Variants in FBN1 observed in about 807,000 individuals in gnomAD.
The protein encoded by FBN1 is fibrillin-1.
FBN1 carries 29 observed loss-of-function variants against 365.1 expected under a neutral mutation model. The observed-to-expected ratio is 0.08, with a 90% CI of 0.06 to 0.11. The LOEUF (loss-of-function observed/expected upper bound fraction) is 0.11. Ranked by LOEUF, FBN1 falls within the 10% of genes least tolerant of loss-of-function variation. FBN1 has a pLI of 1.00. For synonymous variants in FBN1, 1,210 were observed against 1,270.5 expected (o/e 0.95, Z 1.01); for missense variants, 2,476 against 3,703.2 (o/e 0.67, Z 8.60).
chr15:48,560,627 G>T (rs777634215), intron 6 of FBN1, among the ~76,000 whole-genome samples: 1 of 152,110 alleles, frequency 6.6e-6, no homozygotes, highest in Non-Finnish European at 1.5e-5. Flanking sequence ...AGTATTCCTC[G>T]GTTGTCTTCG....
chr15:48,613,703 AG>A (rs1447634825), intron 2 of FBN1, among the ~76,000 whole-genome samples: 1 of 152,156 alleles, frequency 6.6e-6, no homozygotes, highest in Non-Finnish European at 1.5e-5. Context: ...CGAGGTGGGC[AG>A]GTCACTTGAG....
At position 48,483,805 on chromosome 15, in the gene FBN1, CTTCT is replaced by C. The variant is rs2043484407; in HGVS notation, c.3838+9_3838+12del. On this transcript the variant is annotated intron_variant, in intron 31 of 65. Transcript: ENST00000316623. ...AACAAGACAAGATGAAAAATTCTGT[CTTCT>C]TTGCTTACCTACACAAGTCTTCATG... 1 of 1,613,204 alleles carries C rather than the reference CTTCT, an allele frequency of 6.2e-7. No homozygotes were observed. The highest frequency in any genetic ancestry group is 8.5e-7 in the Non-Finnish European group (1 of 1,179,952).
In FBN1 at chr15:48,432,882, G is replaced by T; in HGVS notation, c.6723C>A (p.Asp2241Glu). The T allele has an allele frequency of 6.2e-7, 1 of 1,613,586 alleles. No homozygotes were observed. The highest frequency in any genetic ancestry group is 8.5e-7 in the Non-Finnish European group (1 of 1,179,638). The change falls in exon 55 of 66, where the codon GAC becomes GAA. Residue 2241 changes from aspartate to glutamate, a missense_variant. By Grantham distance (45) the Asp-to-Glu change is conservative. Transcript: ENST00000316623. ...KCPVGYVLRE[D>E]RRMCKDEDEC... The stretch of plus-strand genomic sequence containing the variant: ...ATGACTCACCTTTGCACATCCTACG[G>T]TCTTCTCTGAGCACATATCCCACGG...
rs187455988 is a variant in FBN1, at chr15:48,412,953, G to A, written c.8052-210C>T. On this transcript the variant is annotated intron_variant, in intron 64 of 65. Coordinates refer to ENST00000316623, the MANE Select transcript of FBN1 (RefSeq NM_000138.5). ...CTGAATGTATTGATTTCCTTCTACT[G>A]CCTATCAAGACCCTGTCTTGGATAT... Among the ~76,000 whole-genome samples the A allele has an allele frequency of 2.7e-3, 407 of 152,302 alleles. 1 individual carries two copies. Among genetic ancestry groups the A allele is most frequent in the Admixed American group, 4.3e-3 (66 of 15,302 alleles).
At chr15:48,428,201 G>C in intron 57 of FBN1, 145 bp downstream of exon 57, 3 of 1,036,030 alleles carry the variant, frequency 2.9e-6, no homozygotes, top group Admixed American at 4.0e-5. Flanking sequence ...GACAATCACA[G>C]TCATTACGGC....
At chr15:48,429,302 C>T (rs558191799) in intron 56 of FBN1, among the ~76,000 whole-genome samples, 2 of 152,092 alleles carry the variant, frequency 1.3e-5, no homozygotes, top group East Asian at 1.9e-4. Context: ...TTCAGATTAA[C>T]CTAGATTATA....
At chr15:48,578,997 A>G (rs1399061495) in intron 6 of FBN1, among the ~76,000 whole-genome samples, 2 of 150,442 alleles carry the variant, frequency 1.3e-5, no homozygotes, top group Non-Finnish European at 2.9e-5. Flanking sequence ...CCTAAAACTT[A>G]AAGTATAATA....
At chr15:48,621,673 T>G (rs1889769023) in intron 2 of FBN1, among the ~76,000 whole-genome samples, 1 of 152,072 alleles carries the variant, frequency 6.6e-6, no homozygotes, top group Non-Finnish European at 1.5e-5. Flanking sequence ...GGAATAGACT[T>G]TAATCACTAA....
intron 10 of FBN1, among the ~76,000 whole-genome samples, chr15:48,520,296 A>C (rs1204851959): frequency 2.0e-5 from 3 of 152,098 alleles, no homozygotes; most frequent in African/African-American, 7.2e-5. Flanking sequence ...GAAAAAGGAA[A>C]TGTGTCTCCT....
At chr15:48,576,532 A>G (rs2044349186) in intron 6 of FBN1, among the ~76,000 whole-genome samples, 1 of 152,192 alleles carries the variant, frequency 6.6e-6, no homozygotes, top group Admixed American at 6.5e-5. Flanking sequence ...TTTGTGCCTT[A>G]GCACATCCAG....
chr15:48,569,679 A>G (rs2044290833), intron 6 of FBN1, among the ~76,000 whole-genome samples: 1 of 152,188 alleles, frequency 6.6e-6, no homozygotes, highest in East Asian at 1.9e-4. Flanking sequence ...ATGCCAAGTG[A>G]AAAAAGCCAA....
At chr15:48,596,203 G>A (rs2044514110) in intron 6 of FBN1, 80 bp downstream of exon 6, 2 of 1,251,148 alleles carry the variant, frequency 1.6e-6, no homozygotes, top group South Asian at 1.2e-5. Flanking sequence ...AAGTAGCCAT[G>A]CAGACCCAAT....
intron 10 of FBN1, among the ~76,000 whole-genome samples, chr15:48,517,230 C>A (rs555316956): frequency 2.6e-5 from 4 of 152,086 alleles, no homozygotes; most frequent in African/African-American, 4.8e-5. Context: ...GAAGCTTAGA[C>A]GAATCAAGGC....
chr15:48,541,433 AC>A (rs2141362751), intron 6 of FBN1, among the ~76,000 whole-genome samples: 1 of 152,356 alleles, frequency 6.6e-6, no homozygotes, highest in Non-Finnish European at 1.5e-5. Context: ...CATATTTTAA[AC>A]AAAAATTGCT....
At chr15:48,450,544 T>A (rs572851674) in intron 45 of FBN1, among the ~76,000 whole-genome samples, 1 of 152,088 alleles carries the variant, frequency 6.6e-6, no homozygotes, top group African/African-American at 2.4e-5. Context: ...GAAACCCAAA[T>A]AGTCAACAGA....
At chr15:48,643,739 T>TC (rs1456971470) in intron 2 of FBN1, 5 of 151,834 alleles carry the variant, frequency 3.3e-5, no homozygotes, top group Admixed American at 6.6e-5. Flanking sequence ...ATAAAAGGGG[T>TC]CACTGACAGT....
chr15:48,586,525 GGC>G (rs1413975986), intron 6 of FBN1, among the ~76,000 whole-genome samples: 3 of 152,156 alleles, frequency 2.0e-5, no homozygotes, highest in African/African-American at 7.2e-5. Context: ...GAACCAGGAT[GGC>G]ATGCACACTG....
intron 6 of FBN1, among the ~76,000 whole-genome samples, chr15:48,580,038 G>A (rs894319755): frequency 6.6e-5 from 10 of 152,088 alleles, no homozygotes. Context: ...TACAGTTACT[G>A]AAGTTAAAAA....
intron 13 of FBN1, among the ~76,000 whole-genome samples, chr15:48,511,731 CCTT>C (rs1472305212): frequency 6.6e-6 from 1 of 152,172 alleles, no homozygotes; most frequent in African/African-American, 2.4e-5. Flanking sequence ...TTCAGGATAA[CCTT>C]AGTGCTAGCT....
Sources: gnomAD v4.1 joint callset for allele counts (sites outside exome capture counted in the v4.1 genomes callset) on GRCh38, gnomAD v4.1.1 for gene constraint, MANE v1.5 for transcripts, NCBI Gene and HGNC (gene_info 2026-07-23, HGNC 2026-07-21) for gene names.